Variants in CHST10 observed in about 807,000 individuals in gnomAD.
CHST10 encodes the protein HNK-1 sulfotransferase.
In CHST10, 24 loss-of-function variants were observed where a neutral mutation model predicts 34.7. The ratio of observed to expected loss-of-function variants is 0.69; its 90% CI spans 0.50 to 0.97. CHST10 has a LOEUF of 0.97. Ranked by LOEUF, CHST10 falls within the 50% of genes least tolerant of loss-of-function variation. CHST10 has a pLI of 0.00. For synonymous variants in CHST10, 161 were observed against 169.3 expected (o/e 0.95, Z 0.38); for missense variants, 402 against 452.1 (o/e 0.89, Z 1.00).
At chr2:100,412,133 G>A (rs551372614) in intron 2 of CHST10, among the ~76,000 whole-genome samples, 34 of 152,280 alleles carry the variant, frequency 2.2e-4, no homozygotes, top group Non-Finnish European at 4.7e-4. Flanking sequence ...CAGAGTCAGA[G>A]GTACAAAAAG....
intron 2 of CHST10, among the ~76,000 whole-genome samples, chr2:100,412,049 AAG>A (rs1326662591): frequency 1.3e-5 from 2 of 152,342 alleles, no homozygotes; most frequent in Admixed American, 6.5e-5. Context: ...GGAGCCCCTG[AAG>A]AGAGTTTTAC....
chr2:100,406,582 G>A lies in CHST10; in HGVS notation c.94C>T (p.Pro32Ser). ...SKFITLTFKDPDVYSAKQEFL... is the reference protein window; with the variant it reads ...SKFITLTFKDSDVYSAKQEFL... ...CACCATGAAGCATACGTACCATCTGGGTCTTTAAAGGTCAACGTGATGAAC... is the reference window on the plus strand; with the variant it reads ...CACCATGAAGCATACGTACCATCTGAGTCTTTAAAGGTCAACGTGATGAAC... The change falls in exon 3 of 7, where the codon CCA (proline) becomes TCA (serine). Residue 32 changes from proline (P) to serine (S), a missense_variant. Pro to Ser is a moderately conservative substitution (Grantham distance 74). Coordinates refer to ENST00000264249, the MANE Select transcript of CHST10 (RefSeq NM_004854.5). The A allele has an allele frequency of 6.2e-7, 1 of 1,614,112 alleles. No homozygotes were observed. The highest frequency in any genetic ancestry group is 8.5e-7 in the Non-Finnish European group (1 of 1,180,016).
At chr2:100,416,657 G>C (rs929798625) in intron 1 of CHST10, 1 of 312,818 alleles carries the variant, frequency 3.2e-6, no homozygotes, top group Admixed American at 3.9e-5. Flanking sequence ...ACTCCTCATG[G>C]CCCAAAGCCC....
At chr2:100,407,719 T>C (rs1246652039) in intron 2 of CHST10, 1 of 152,058 alleles carries the variant, frequency 6.6e-6, no homozygotes, top group African/African-American at 2.4e-5. Flanking sequence ...GGAATGCAAA[T>C]AGGATCCATG....
At chr2:100,414,775 AG>A (rs1365141941) in intron 2 of CHST10, among the ~76,000 whole-genome samples, 1 of 152,178 alleles carries the variant, frequency 6.6e-6, no homozygotes, top group Non-Finnish European at 1.5e-5. Flanking sequence ...TAGTTAAGAC[AG>A]GTTTTCATGA....
intron 5 of CHST10, among the ~76,000 whole-genome samples, chr2:100,396,979 G>A (rs1206963305): frequency 6.6e-6 from 1 of 152,170 alleles, no homozygotes; most frequent in South Asian, 2.1e-4. Context: ...ACCAGATGAT[G>A]AGGTGCCACC....
intron 2 of CHST10, chr2:100,407,704 C>T (rs1469399662): frequency 6.6e-6 from 1 of 152,204 alleles, no homozygotes; most frequent in Admixed American, 6.5e-5. Context: ...AGGAACCAGG[C>T]ATCTGGAATG....
intron 2 of CHST10, chr2:100,408,122 T>G (rs1310096662): frequency 3.5e-5 from 5 of 143,950 alleles, no homozygotes; most frequent in Non-Finnish European, 7.4e-5. Flanking sequence ...TAATTTCAGT[T>G]AATTTTTTTA....
intron 2 of CHST10, chr2:100,408,689 A>G (rs1675688970): frequency 6.6e-6 from 1 of 152,010 alleles, no homozygotes; most frequent in African/African-American, 2.4e-5. Flanking sequence ...AAAAAACAAG[A>G]CACACTCTTA....
intron 4 of CHST10, among the ~76,000 whole-genome samples, chr2:100,399,102 CTTTTT>C (rs34834152): frequency 1.5e-5 from 2 of 137,654 alleles, no homozygotes; most frequent in Non-Finnish European, 1.6e-5. Flanking sequence ...CTCTCTCTCT[CTTTTT>C]TTTTTTTTTT....
In CHST10 at chr2:100,398,091, T is replaced by G; in HGVS notation, c.244A>C (p.Met82Leu). 1 of 1,614,056 alleles carries G rather than the reference T, an allele frequency of 6.2e-7. No homozygotes were observed. The highest frequency in any genetic ancestry group is 8.5e-7 in the Non-Finnish European group (1 of 1,180,008). ...TTTCTGATGAGTTCCAGGCGCTCCA[T>G]GTAGACCAGGGGCTGAACGAGCTGG... ...DSQLVQPLVY[M>L]ERLELIRNVC... The change falls in exon 5 of 7, where the codon ATG (methionine) becomes CTG (leucine). Residue 82 changes from methionine to leucine, a missense_variant. Coordinates refer to ENST00000264249, the MANE Select transcript of CHST10 (RefSeq NM_004854.5).
Position 100,393,004 on chromosome 2 carries a change from G to C in CHST10, c.*241C>G. On this transcript the variant is annotated 3_prime_UTR_variant, in exon 7 of 7. Coordinates refer to ENST00000264249, the MANE Select transcript of CHST10 (RefSeq NM_004854.5). ...TTTTCTCCCCTCTGAGGTGAGCAAA[G>C]GCCAGCGACATCCTAATGCACGCAG... is the stretch of plus-strand genomic sequence containing the variant. 1.8e-6 allele frequency: 1 copy of C among 558,354 alleles called. No homozygotes were observed. The highest frequency in any genetic ancestry group is 1.9e-5 in the African/African-American group (1 of 53,270). The allele number at this position is 558,354 out of a possible 1,614,324, so 34.6% of individuals were successfully genotyped here. A position where few individuals can be genotyped will look rare whatever the true frequency, so the allele number is the denominator to read the frequency against.
At chr2:100,406,782 T>G in intron 2 of CHST10, 75 bp from the exon 3 acceptor site, 1 of 1,561,412 alleles carries the variant, frequency 6.4e-7, no homozygotes, top group Non-Finnish European at 8.7e-7. Flanking sequence ...AAACGACAGG[T>G]GATTTCAGTC....
At position 100,402,636 on chromosome 2, in the gene CHST10, C is replaced by A. The variant is rs1281612874; in HGVS notation, c.120G>T (p.Glu40Asp). 1 of 1,613,996 alleles carries A rather than the reference C, an allele frequency of 6.2e-7. No homozygotes were observed. Among genetic ancestry groups the A allele is most frequent in the South Asian group, 1.1e-5 (1 of 91,076 alleles). ...CCGGCATGGTTGTCAGGAACAGAAACTCCTGTTTGGCACTGTACACTGGAA... is the reference window on the plus strand; with the variant it reads ...CCGGCATGGTTGTCAGGAACAGAAAATCCTGTTTGGCACTGTACACTGGAA... The part of the protein sequence containing the change: ...KDPDVYSAKQ[E>D]FLFLTTMPEV... Residue 40 changes from glutamate (E) to aspartate (D), a missense_variant, in exon 4 of 7, where the codon GAG becomes GAT. Transcript: ENST00000264249.
intron 4 of CHST10, among the ~76,000 whole-genome samples, chr2:100,401,612 G>C (rs1030835898): frequency 2.0e-5 from 3 of 151,950 alleles, no homozygotes; most frequent in African/African-American, 7.3e-5. Flanking sequence ...AAGATTTTTT[G>C]GTTTCGTTTC....
intron 3 of CHST10, among the ~76,000 whole-genome samples, chr2:100,404,229 TCTCA>T (rs565850345): frequency 4.3e-4 from 65 of 152,210 alleles, no homozygotes; most frequent in Middle Eastern, 3.4e-3. Context: ...AACAGAAGAT[TCTCA>T]CTGAGTTCAC....
At position 100,398,010 on chromosome 2, in the gene CHST10, C is replaced by T. The variant is rs1675148499; in HGVS notation, c.325G>A (p.Val109Ile). 1 of 1,614,092 alleles carries T rather than the reference C, an allele frequency of 6.2e-7. No individual in the cohort carries two copies. The highest frequency in any genetic ancestry group is 8.5e-7 in the Non-Finnish European group (1 of 1,180,052). ...NLSHTPVSKF[V>I]LDRIFVCDKH... is the part of the protein sequence containing the mutation. Reference sequence around the variant, plus strand: ...TCACAGACAAATATTCGGTCCAGGACAAACTTGGAGACAGGAGTGTGCGAG... The same window carrying T: ...TCACAGACAAATATTCGGTCCAGGATAAACTTGGAGACAGGAGTGTGCGAG... The change falls in exon 5 of 7, where the codon GTC (valine) becomes ATC (isoleucine). Residue 109 changes from valine (V) to isoleucine (I), a missense_variant. Physicochemically the swap from Val to Ile is conservative, Grantham distance 29. Transcript: ENST00000264249.
chr2:100,403,508 A>G (rs1164053858), intron 3 of CHST10, among the ~76,000 whole-genome samples: 1 of 152,206 alleles, frequency 6.6e-6, no homozygotes, highest in Non-Finnish European at 1.5e-5. Flanking sequence ...ACACTAAAAA[A>G]AGTAAGTGTT....
intron 5 of CHST10, among the ~76,000 whole-genome samples, chr2:100,396,134 A>G (rs537596997): frequency 8.7e-4 from 132 of 152,298 alleles, no homozygotes; most frequent in African/African-American, 3.1e-3. Flanking sequence ...GCTCTCAGGT[A>G]CCCCAGCAGC....
Sources: gnomAD v4.1 joint callset for allele counts (sites outside exome capture counted in the v4.1 genomes callset) on GRCh38, gnomAD v4.1.1 for gene constraint, MANE v1.5 for transcripts, NCBI Gene and HGNC (gene_info 2026-07-23, HGNC 2026-07-21) for gene names.